CSMD2: variants seen among roughly 807,000 people sequenced by gnomAD.
The protein encoded by CSMD2 is CUB and Sushi multiple domains 2.
Under a neutral mutation model 398.5 loss-of-function variants are expected in CSMD2, and 130 were observed. That is an observed-to-expected ratio of 0.33 (90% CI 0.28 to 0.38). CSMD2 has a LOEUF of 0.38. CSMD2 is among the 10% of genes least tolerant of loss of function. CSMD2 has a pLI of 1.00. For missense variants in CSMD2, 3,829 were observed against 4,764.9 expected (o/e 0.80, Z 5.78); for synonymous variants, 1,828 against 1,908.5 (o/e 0.96, Z 1.10).
intron 2 of CSMD2, among the ~76,000 whole-genome samples, chr1:34,072,939 G>A (rs756350506): frequency 2.0e-5 from 3 of 152,060 alleles, no homozygotes; most frequent in Non-Finnish European, 4.4e-5. Context: ...AACCCCCTTC[G>A]GTGCTGGTCA....
intron 1 of CSMD2, among the ~76,000 whole-genome samples, chr1:34,143,665 CT>C (rs1224156074): frequency 6.6e-6 from 1 of 152,102 alleles, no homozygotes; most frequent in Non-Finnish European, 1.5e-5. Flanking sequence ...CTCAACACAA[CT>C]TGGTTAAACA....
chr1:33,533,970 C>G lies in CSMD2; in HGVS notation c.9880-63G>C. The G allele has an allele frequency of 6.9e-6, 7 of 1,017,034 alleles. No homozygotes were observed. Among genetic ancestry groups the G allele is most frequent in the Non-Finnish European group, 1.1e-5 (7 of 651,222 alleles). 63.0% of individuals were successfully genotyped at this position (1,017,034 alleles called of 1,614,324 possible). A position where few individuals can be genotyped will look rare whatever the true frequency, so the allele number is the denominator to read the frequency against. On this transcript the variant is annotated intron_variant, in intron 62 of 70. Transcript: ENST00000373381. This position sits in a 1 kb window ranked among gnomAD's most constrained non-coding sequence, Gnocchi z 4.2. ...TCAGCGGTGCTTCCTACGTCTGTCC[C>G]TTGACCACTTTCACATGGCCCAACT...
At chr1:33,922,687 T>A (rs1393124423) in intron 4 of CSMD2, among the ~76,000 whole-genome samples, 1 of 152,104 alleles carries the variant, frequency 6.6e-6, no homozygotes, top group African/African-American at 2.4e-5. Context: ...ACCCACTTCC[T>A]CATGGCAGAG....
chr1:33,582,781 A>G (rs919887418), intron 47 of CSMD2, among the ~76,000 whole-genome samples: 33 of 152,326 alleles, frequency 2.2e-4, no homozygotes, highest in Non-Finnish European at 1.2e-4. Flanking sequence ...CACAGTACAC[A>G]CTTAACAAAG....
intron 13 of CSMD2, among the ~76,000 whole-genome samples, chr1:33,744,488 A>T (rs535877204): frequency 6.6e-6 from 1 of 152,228 alleles, no homozygotes; most frequent in South Asian, 2.1e-4. Flanking sequence ...CACCCTAAGG[A>T]TCCACCCTTC....
At chr1:33,547,603 G>C (rs932807636) in intron 56 of CSMD2, among the ~76,000 whole-genome samples, 1 of 152,216 alleles carries the variant, frequency 6.6e-6, no homozygotes, top group Admixed American at 6.5e-5. Context: ...CAGACTGTGA[G>C]ACACTACCTA....
intron 53 of CSMD2, among the ~76,000 whole-genome samples, chr1:33,564,638 A>T (rs1658882451): frequency 6.6e-6 from 1 of 152,210 alleles, no homozygotes; most frequent in African/African-American, 2.4e-5. Context: ...CCCAGGCTCA[A>T]TGGATCCTCC....
chr1:34,078,792 C>T (rs1656720806), intron 2 of CSMD2, among the ~76,000 whole-genome samples: 1 of 152,190 alleles, frequency 6.6e-6, no homozygotes, highest in Non-Finnish European at 1.5e-5. Flanking sequence ...TGGTAGGCCC[C>T]AAGAACACAT....
At chr1:33,557,594 A>G in intron 55 of CSMD2, 140 bp downstream of exon 55, 1 of 806,722 alleles carries the variant, frequency 1.2e-6, no homozygotes, top group Admixed American at 2.5e-5. Flanking sequence ...GACTGTCACC[A>G]TAAGGCAACT....
chr1:33,968,961 C>A (rs984259183), intron 3 of CSMD2, among the ~76,000 whole-genome samples: 5 of 152,222 alleles, frequency 3.3e-5, no homozygotes, highest in African/African-American at 1.2e-4. Context: ...TAGCCTTCAA[C>A]CTTGTCAGTC....
intron 25 of CSMD2, among the ~76,000 whole-genome samples, chr1:33,667,975 C>G (rs911159005): frequency 6.6e-6 from 1 of 152,162 alleles, no homozygotes; most frequent in Non-Finnish European, 1.5e-5. Flanking sequence ...AAATTATCAG[C>G]TGTGTCTAGC....
In CSMD2 at chr1:33,825,674, C is replaced by A. The variant is rs111622586; in HGVS notation, c.1111+23G>T. On this transcript the variant is annotated intron_variant, in intron 7 of 70. Transcript: ENST00000373381. ...GACCTCAAGCAAGAGGCCCGGCAGG[C>A]GGGCTGGCGGGCGGACACTTACACA... is the stretch of plus-strand genomic sequence containing the variant. The A allele has an allele frequency of 1.2e-5, 19 of 1,564,090 alleles. No individual in the cohort carries two copies. In the East Asian group the frequency reaches 1.7e-4, roughly 14 times the overall value.
rs1399151212 is a variant in CSMD2 at position 33,518,093 on chromosome 1, C to T, written c.*53+1372G>A. On this transcript the variant is annotated intron_variant, in intron 70 of 70. Transcript: ENST00000373381. The surrounding 1 kb of genome is among the most constrained non-coding windows in gnomAD (Gnocchi z 4.3). ...GGCCCACTTGGCGGATTTTCCACCG[C>T]CCTCACTGGGAATCCCTACCTGGCT... is the stretch of plus-strand genomic sequence containing the variant. Among the ~76,000 whole-genome samples the T allele has an allele frequency of 6.6e-6, 1 of 152,274 alleles. No individual in the cohort carries two copies. Among genetic ancestry groups the T allele is most frequent in the African/African-American group, 2.4e-5 (1 of 41,474 alleles).
chr1:33,796,733 T>C (rs7516508), intron 10 of CSMD2, among the ~76,000 whole-genome samples: 2 of 152,156 alleles, frequency 1.3e-5, no homozygotes, highest in African/African-American at 2.4e-5. Context: ...GCCTGCAGGG[T>C]TGGGCAGAAT....
chr1:33,717,511 C>T (rs1279630265), intron 19 of CSMD2, among the ~76,000 whole-genome samples: 1 of 151,846 alleles, frequency 6.6e-6, no homozygotes, highest in Non-Finnish European at 1.5e-5. Flanking sequence ...GTGATGTCTT[C>T]TGTTACCTAG....
In CSMD2 at chr1:34,089,036, C is replaced by G; in HGVS notation, c.345G>C (p.Glu115Asp). The stretch of plus-strand genomic sequence containing the variant: ...CAAACACCGACAGGACATCAAAGTC[C>G]TCTTCCAGGGCAAAGGACTGGAACA... ...QLVFQSFALEEDFDVLSVFDG... is the reference protein window; with the variant it reads ...QLVFQSFALEDDFDVLSVFDG... Residue 115 changes from glutamate to aspartate, a missense_variant, in exon 2 of 71, where the codon GAG (glutamate) becomes GAC (aspartate). Glu to Asp is a conservative substitution (Grantham distance 45). Transcript: ENST00000373381. 6.2e-7 allele frequency: 1 copy of G among 1,614,174 alleles called. No homozygotes were observed. Among genetic ancestry groups the G allele is most frequent in the Non-Finnish European group, 8.5e-7 (1 of 1,180,032 alleles).
At chr1:34,000,358 C>T (rs933730475) in intron 3 of CSMD2, among the ~76,000 whole-genome samples, 1 of 151,994 alleles carries the variant, frequency 6.6e-6, no homozygotes, top group African/African-American at 2.4e-5. Flanking sequence ...GATGGACGGC[C>T]CTGTCTCTGT....
chr1:33,612,758 T>C (rs954554859), intron 40 of CSMD2, among the ~76,000 whole-genome samples: 1 of 151,650 alleles, frequency 6.6e-6, no homozygotes, highest in Admixed American at 6.6e-5. Context: ...CTTGGCTCAC[T>C]GCAAGCTCCG....
intron 5 of CSMD2, among the ~76,000 whole-genome samples, chr1:33,848,382 C>T (rs2180745): frequency 0.46 from 69,283 of 152,032 alleles, 16,199 homozygotes; most frequent in East Asian, 0.57. Context: ...AGAATGAATA[C>T]GCAGAACTCA....
Sources: gnomAD v4.1 joint callset for allele counts (sites outside exome capture counted in the v4.1 genomes callset) on GRCh38, gnomAD v4.1.1 for gene constraint, Gnocchi (gnomAD v3.1) non-coding constraint, MANE v1.5 for transcripts, NCBI Gene and HGNC (gene_info 2026-07-23, HGNC 2026-07-21) for gene names.